The following TRERF1 variants were observed in gnomAD, a reference collection of about 807,000 sequenced individuals.
TRERF1 encodes the protein transcriptional-regulating factor 1.
Under a neutral mutation model 122.9 loss-of-function variants are expected in TRERF1, and 27 were observed. That is an observed-to-expected ratio of 0.22 (90% confidence interval 0.16 to 0.30). The LOEUF (loss-of-function observed/expected upper bound fraction) is 0.30. TRERF1 is among the 10% of genes least tolerant of loss of function. The pLI is 1.00. For missense variants in TRERF1, 1,248 were observed against 1,560.3 expected (o/e 0.80, Z 3.37); for synonymous variants, 636 against 641.7 (o/e 0.99, Z 0.13).
intron 15 of TRERF1, among the ~76,000 whole-genome samples, chr6:42,238,629 C>G (rs1772825927): frequency 6.6e-6 from 1 of 152,030 alleles, no homozygotes; most frequent in Admixed American, 6.6e-5. Flanking sequence ...GGTGCTCAGA[C>G]CCTCGAGTGT....
chr6:42,387,249 G>C (rs1776959929), intron 2 of TRERF1, among the ~76,000 whole-genome samples: 1 of 152,190 alleles, frequency 6.6e-6, no homozygotes, highest in South Asian at 2.1e-4. Context: ...CCTTTTCTCA[G>C]AAGTTTCAAA....
chr6:42,300,479 C>T (rs759369586), intron 4 of TRERF1, among the ~76,000 whole-genome samples, 159 bp downstream of exon 4: 12 of 152,236 alleles, frequency 7.9e-5, no homozygotes, highest in Non-Finnish European at 1.6e-4. Flanking sequence ...AAAATGAGCA[C>T]ACTTTAATCT....
At chr6:42,320,341 C>T (rs1334825080) in intron 3 of TRERF1, among the ~76,000 whole-genome samples, 1 of 152,026 alleles carries the variant, frequency 6.6e-6, no homozygotes, top group African/African-American at 2.4e-5. Flanking sequence ...GGTGGTGGAG[C>T]GTTTAGCCTA....
At chr6:42,434,870 G>A (rs552744856) in intron 2 of TRERF1, among the ~76,000 whole-genome samples, 15 of 152,258 alleles carry the variant, frequency 9.9e-5, no homozygotes, top group Admixed American at 9.8e-4. Context: ...GCTCATGCTT[G>A]TAATCCCAGC....
chr6:42,440,186 T>C (rs1444380566), intron 2 of TRERF1, among the ~76,000 whole-genome samples: 2 of 152,186 alleles, frequency 1.3e-5, no homozygotes, highest in African/African-American at 4.8e-5. Flanking sequence ...CTGAGCACTC[T>C]ACCCATAGCT....
chr6:42,355,539 C>T (rs185372158), intron 3 of TRERF1, among the ~76,000 whole-genome samples: 55 of 152,298 alleles, frequency 3.6e-4, no homozygotes, highest in Admixed American at 3.3e-4. Flanking sequence ...CAGGGCCTTG[C>T]TTGCTTGAAA....
Position 42,259,511 on chromosome 6 carries a change from C to T in TRERF1, c.2097G>A (p.Leu699=). ...AAGGGGGCAGCTCGTGGGTGGGGTC[C>T]AGGAGCAGGTGGTCCCCGAGGACGC... The change falls in exon 9 of 18, where the codon CTG becomes CTA. Residue 699 remains leucine (L), a synonymous_variant. Transcript: ENST00000372922. This position sits in a 1 kb window ranked among gnomAD's most constrained non-coding sequence, Gnocchi z 4.9. The T allele has an allele frequency of 6.2e-7, 1 of 1,612,624 alleles. No individual in the cohort carries two copies. Among genetic ancestry groups the T allele is most frequent in the Non-Finnish European group, 8.5e-7 (1 of 1,179,706 alleles).
intron 3 of TRERF1, among the ~76,000 whole-genome samples, chr6:42,328,661 T>C (rs1240932036): frequency 6.6e-6 from 1 of 152,182 alleles, no homozygotes; most frequent in Non-Finnish European, 1.5e-5. Flanking sequence ...AGCAATGCCA[T>C]GCTAAGCAGA....
chr6:42,347,514 C>T lies in TRERF1; in HGVS notation c.-371+15483G>A, dbSNP rs1449488289. The stretch of plus-strand genomic sequence containing the variant: ...CTTTCCTCTTAATATGTGCCAAGAA[C>T]TGTACTGAGAGAATGTAGATAAGTA... On this transcript the variant is annotated intron_variant, in intron 3 of 17. Coordinates refer to ENST00000372922, the Ensembl canonical transcript of TRERF1. Among the ~76,000 whole-genome samples, 3 of 152,022 alleles carry T rather than the reference C, an allele frequency of 2.0e-5. No homozygotes were observed. The East Asian group carries it at 5.8e-4, about 29-fold the overall frequency.
intron 2 of TRERF1, among the ~76,000 whole-genome samples, chr6:42,406,756 C>T (rs1582043617): frequency 1.3e-5 from 2 of 151,774 alleles, no homozygotes; most frequent in East Asian, 1.9e-4. Context: ...ATGACACTTA[C>T]CCCCCACCCC....
chr6:42,229,069 C>T (rs9471813), intron 17 of TRERF1, among the ~76,000 whole-genome samples: 9,678 of 152,306 alleles, frequency 0.064, 397 homozygotes, highest in Non-Finnish European at 0.089. Context: ...CATGAAACAA[C>T]CCACCATCTG....
chr6:42,289,786 G>A (rs1467309008), intron 4 of TRERF1, among the ~76,000 whole-genome samples: 2 of 152,194 alleles, frequency 1.3e-5, no homozygotes, highest in Non-Finnish European at 2.9e-5. Context: ...GCAGACAATG[G>A]ACTGGAGGAA....
intron 4 of TRERF1, among the ~76,000 whole-genome samples, chr6:42,297,700 T>C (rs1020571898): frequency 6.6e-6 from 1 of 152,094 alleles, no homozygotes; most frequent in Non-Finnish European, 1.5e-5. Context: ...AACTAGAAAA[T>C]TAATTTAAAG....
chr6:42,431,065 A>G (rs1582190460), intron 2 of TRERF1, among the ~76,000 whole-genome samples: 1 of 151,870 alleles, frequency 6.6e-6, no homozygotes, highest in African/African-American at 2.4e-5. Context: ...GTCTCAAAAA[A>G]AAAAAAAAAG....
chr6:42,392,297 A>G (rs528650058), intron 2 of TRERF1, among the ~76,000 whole-genome samples: 36 of 152,270 alleles, frequency 2.4e-4, no homozygotes, highest in African/African-American at 7.9e-4. Context: ...GTCACTTAAC[A>G]TCTTTAAGTT....
chr6:42,272,186 T>G (rs1463054472), intron 4 of TRERF1, among the ~76,000 whole-genome samples: 1 of 152,218 alleles, frequency 6.6e-6, no homozygotes, highest in African/African-American at 2.4e-5. Flanking sequence ...AAGATTCTTT[T>G]AGGGAGGATT....
At chr6:42,294,204 C>T (rs1219494475) in intron 4 of TRERF1, among the ~76,000 whole-genome samples, 9 of 114,536 alleles carry the variant, frequency 7.9e-5, no homozygotes, top group South Asian at 2.8e-4. Flanking sequence ...TTTTTTGAGA[C>T]GGAGTCTCGC....
chr6:42,416,481 A>G (rs1781856249), intron 2 of TRERF1, among the ~76,000 whole-genome samples: 1 of 152,222 alleles, frequency 6.6e-6, no homozygotes, highest in South Asian at 2.1e-4. Flanking sequence ...ATCCTTTAAT[A>G]CAATGAATTT....
At chr6:42,264,883 GAC>G in intron 6 of TRERF1, 29 bp from the exon 7 acceptor site, 1 of 1,611,812 alleles carries the variant, frequency 6.2e-7, no homozygotes, top group Non-Finnish European at 8.5e-7. Context: ...AAATGGAGAG[GAC>G]ACATACGTTG....
Sources: allele counts gnomAD v4.1 joint callset (sites outside exome capture counted in the v4.1 genomes callset), GRCh38; gene constraint gnomAD v4.1.1; non-coding constraint Gnocchi (gnomAD v3.1); transcripts MANE v1.5; gene names NCBI Gene and HGNC (gene_info 2026-07-23, HGNC 2026-07-21).